The following KANK1 variants were observed in gnomAD, a reference collection of about 807,000 sequenced individuals.
The protein encoded by KANK1 is KN motif and ankyrin repeat domains 1.
In KANK1, 109 loss-of-function variants were observed where a neutral mutation model predicts 106.2. The ratio of observed to expected loss-of-function variants is 1.03; its 90% confidence interval spans 0.88 to 1.20. KANK1 has a LOEUF of 1.20. Among genes scored for constraint, KANK1 ranks in the 50% most tolerant of loss-of-function variants. The probability of loss-of-function intolerance (pLI) is 0.00; values close to 1 mark genes in which losing one functional copy is unlikely to be tolerated. For missense variants in KANK1, 2,399 were observed against 1,710.7 expected, an observed-to-expected ratio of 1.40 and a Z score of -7.10; for synonymous variants, 873 against 652.2, an observed-to-expected ratio of 1.34 and a Z score of -5.16.
At chr9:520,337 T>A (rs7046561) in intron 1 of KANK1, among the ~76,000 whole-genome samples, 3 of 151,208 alleles carry the variant, frequency 2.0e-5, no homozygotes, top group Non-Finnish European at 2.9e-5. Flanking sequence ...AGACCCTGTC[T>A]CAAAAAAATA....
chr9:497,016 C>A (rs534621195), intron 3 of KANK1, among the ~76,000 whole-genome samples: 1 of 152,066 alleles, frequency 6.6e-6, no homozygotes, highest in Non-Finnish European at 1.5e-5. Flanking sequence ...CCTTCAGCCA[C>A]GGAGAAAATG....
At chr9:484,935 C>CAAAAAAAA (rs60286162) in intron 3 of KANK1, among the ~76,000 whole-genome samples, 1 of 144,426 alleles carries the variant, frequency 6.9e-6, no homozygotes, top group African/African-American at 2.5e-5. Flanking sequence ...ATGGAGAATG[C>CAAAAAAAA]AAAAAAAAAA....
chr9:569,579 C>G (rs151273708), intron 1 of KANK1, among the ~76,000 whole-genome samples: 218 of 152,212 alleles, frequency 1.4e-3, no homozygotes, highest in African/African-American at 4.9e-3. Context: ...AGCCTTTGTA[C>G]CTGTAAGAAA....
At chr9:597,517 A>C (rs1216631731) in intron 1 of KANK1, among the ~76,000 whole-genome samples, 2 of 151,688 alleles carry the variant, frequency 1.3e-5, no homozygotes, top group Non-Finnish European at 2.9e-5. Context: ...CTTTGGAGAC[A>C]TGTCTGTTGA....
chr9:539,985 A>G (rs2060507407), intron 1 of KANK1, among the ~76,000 whole-genome samples: 2 of 152,230 alleles, frequency 1.3e-5, no homozygotes, highest in African/African-American at 2.4e-5. Context: ...ATCTGCAAAC[A>G]GAGACAGAGT....
upstream of KANK1, among the ~76,000 whole-genome samples, chr9:503,687 T>G (rs2058611140): frequency 6.6e-6 from 1 of 152,128 alleles, no homozygotes; most frequent in Non-Finnish European, 1.5e-5. Flanking sequence ...CATTGTTTTT[T>G]GAGTAATACC....
chr9:657,629 C>T (rs1842440170), intron 1 of KANK1, among the ~76,000 whole-genome samples: 1 of 151,838 alleles, frequency 6.6e-6, no homozygotes, highest in African/African-American at 2.4e-5. Flanking sequence ...TGATTTGGTT[C>T]TGCCTTTTTA....
intron 2 of KANK1, 103 bp from the exon 3 acceptor site, chr9:710,701 C>T: frequency 9.4e-7 from 1 of 1,060,526 alleles, no homozygotes; most frequent in African/African-American, 1.6e-5. Flanking sequence ...TGTGTCAACT[C>T]TTAAAATCAT....
intron 1 of KANK1, among the ~76,000 whole-genome samples, chr9:618,385 T>C (rs958419790): frequency 1.3e-5 from 2 of 152,048 alleles, no homozygotes; most frequent in African/African-American, 2.4e-5. Flanking sequence ...TTTTTGTATT[T>C]TTACTAGAGA....
At chr9:622,047 C>G (rs1247481984) in intron 1 of KANK1, among the ~76,000 whole-genome samples, 1 of 152,032 alleles carries the variant, frequency 6.6e-6, no homozygotes, top group Non-Finnish European at 1.5e-5. Flanking sequence ...GGTTCAGGGT[C>G]TTTTTCATAC....
At chr9:650,633 C>T (rs1840677472) in intron 1 of KANK1, among the ~76,000 whole-genome samples, 1 of 152,088 alleles carries the variant, frequency 6.6e-6, no homozygotes, top group South Asian at 2.1e-4. Context: ...ATGAGAGTGG[C>T]ACACACCAGA....
At chr9:601,098 A>G (rs1307996002) in intron 1 of KANK1, among the ~76,000 whole-genome samples, 2 of 151,806 alleles carry the variant, frequency 1.3e-5, no homozygotes, top group East Asian at 1.9e-4. Flanking sequence ...TTCCTCTTCC[A>G]TCAGTCTTTA....
At chr9:516,607 G>A (rs2059287502) in intron 1 of KANK1, among the ~76,000 whole-genome samples, 1 of 151,466 alleles carries the variant, frequency 6.6e-6, no homozygotes, top group Non-Finnish European at 1.5e-5. Flanking sequence ...TCATAATGCT[G>A]GGAATGACAG....
At chr9:679,714 TA>T (rs1210790607) in intron 2 of KANK1, among the ~76,000 whole-genome samples, 1 of 152,194 alleles carries the variant, frequency 6.6e-6, no homozygotes, top group African/African-American at 2.4e-5. Flanking sequence ...GCTGAAAATT[TA>T]AAAGTATAGA....
chr9:577,750 A>C (rs1228922860), intron 1 of KANK1, among the ~76,000 whole-genome samples: 1 of 152,192 alleles, frequency 6.6e-6, no homozygotes, highest in Non-Finnish European at 1.5e-5. Flanking sequence ...CCAGGAATTT[A>C]TGTTTCAACA....
chr9:472,380 C>A (rs966881145), intron 2 of KANK1, among the ~76,000 whole-genome samples: 13 of 152,218 alleles, frequency 8.5e-5, no homozygotes, highest in African/African-American at 2.9e-4. Context: ...GCCATATATT[C>A]CTCTTTTTGT....
chr9:721,531 T>C (rs1235224456), intron 3 of KANK1, among the ~76,000 whole-genome samples: 1 of 152,222 alleles, frequency 6.6e-6, no homozygotes, highest in African/African-American at 2.4e-5. Context: ...CCCACTATGA[T>C]TGGTCTTTGG....
rs1826364051 is a variant in KANK1, at chr9:712,309, G to A, written c.1543G>A (p.Val515Met). Residue 515 changes from valine (V) to methionine (M), a missense_variant, in exon 3 of 12, where the codon GTG becomes ATG. Physicochemically the swap from Val to Met is conservative, Grantham distance 21 (BLOSUM62 1). Coordinates refer to ENST00000382297, the MANE Select transcript of KANK1 (RefSeq NM_015158.5). ...GGCCCAGCCGCTTGTTTTCAGTAAGGTGGTGGAGGCAGTGGTGCAGACCAG... is the reference window on the plus strand; with the variant it reads ...GGCCCAGCCGCTTGTTTTCAGTAAGATGGTGGAGGCAGTGGTGCAGACCAG... ...TMAQPLVFSK[V>M]VEAVVQTRDQ... 3 of 1,614,118 alleles carry A rather than the reference G, an allele frequency of 1.9e-6. No individual in the cohort carries two copies. The highest frequency in any genetic ancestry group is 1.3e-5 in the African/African-American group (1 of 74,940).
At chr9:537,046 C>T (rs1587611881) in intron 1 of KANK1, among the ~76,000 whole-genome samples, 1 of 152,226 alleles carries the variant, frequency 6.6e-6, no homozygotes, top group East Asian at 1.9e-4. Flanking sequence ...GAGAGAGAAG[C>T]GAGGAGACCA....
Sources: allele counts gnomAD v4.1 joint callset (sites outside exome capture counted in the v4.1 genomes callset), GRCh38; gene constraint gnomAD v4.1.1; transcripts MANE v1.5; gene names NCBI Gene and HGNC (gene_info 2026-07-23, HGNC 2026-07-21).